The following RAP1GAP2 variants were observed in gnomAD, a reference collection of about 807,000 sequenced individuals.
RAP1GAP2 encodes the protein RAP1 GTPase activating protein 2.
A neutral mutation model predicts 95.0 loss-of-function variants in RAP1GAP2; 27 were observed. That is an observed-to-expected ratio of 0.28 (90% confidence interval 0.21 to 0.39). The LOEUF is 0.39. Among genes scored for constraint, RAP1GAP2 ranks in the 10% least tolerant of loss-of-function variants. RAP1GAP2 has a pLI of 1.00. For synonymous variants in RAP1GAP2, 373 were observed against 380.9 expected (o/e 0.98, Z 0.24); for missense variants, 771 against 970.0 (o/e 0.79, Z 2.72).
At chr17:2,956,956 G>A (rs767746131) in intron 3 of RAP1GAP2, among the ~76,000 whole-genome samples, 1 of 151,980 alleles carries the variant, frequency 6.6e-6, no homozygotes, top group Non-Finnish European at 1.5e-5. Flanking sequence ...GTGAAACCCC[G>A]TCTCTACTAA....
At position 2,906,870 on chromosome 17, in the gene RAP1GAP2, T is replaced by C. The variant is rs559076590; in HGVS notation, c.165+1502T>C. Reference sequence around the variant, plus strand: ...ATTTTGTATTAGTTAGGACTCTTGGTTGTAAGTGACAGAAACATAACTCAC... The same window carrying C: ...ATTTTGTATTAGTTAGGACTCTTGGCTGTAAGTGACAGAAACATAACTCAC... On this transcript the variant is annotated intron_variant, in intron 3 of 24. Transcript: ENST00000254695. The surrounding 1 kb of genome is among the most constrained non-coding windows in gnomAD (Gnocchi z 4.3). Among the ~76,000 whole-genome samples, 3 of 152,284 alleles carry C rather than the reference T, an allele frequency of 2.0e-5. No homozygotes were observed. Among genetic ancestry groups the C allele is most frequent in the Non-Finnish European group, 4.4e-5 (3 of 68,024 alleles).
intron 10 of RAP1GAP2, among the ~76,000 whole-genome samples, chr17:2,982,331 C>T (rs775665820): frequency 7.2e-5 from 11 of 152,142 alleles, no homozygotes; most frequent in South Asian, 2.1e-4. Flanking sequence ...TAGAGACGGG[C>T]GTTTCACCAT....
chr17:2,852,044 G>A (rs2071873569), intron 2 of RAP1GAP2, among the ~76,000 whole-genome samples: 1 of 152,202 alleles, frequency 6.6e-6, no homozygotes, highest in African/African-American at 2.4e-5. Context: ...AACTGAAGCG[G>A]TCCATCAGCT....
chr17:2,844,499 C>G (rs912639311), intron 2 of RAP1GAP2, among the ~76,000 whole-genome samples: 7 of 152,158 alleles, frequency 4.6e-5, no homozygotes, highest in African/African-American at 1.7e-4. Context: ...TGGAAAAGCC[C>G]CAGAAAGCAG....
At chr17:2,840,928 G>A (rs970285519) in intron 2 of RAP1GAP2, among the ~76,000 whole-genome samples, 6 of 152,140 alleles carry the variant, frequency 3.9e-5, no homozygotes, top group Non-Finnish European at 7.3e-5. Context: ...AGCCCGGGAG[G>A]TGGAGGCTGC....
intron 1 of RAP1GAP2, among the ~76,000 whole-genome samples, chr17:2,764,626 C>T (rs2068242912): frequency 6.6e-6 from 1 of 152,038 alleles, no homozygotes; most frequent in Non-Finnish European, 1.5e-5. Context: ...GAGGCTGAGG[C>T]AGGAGAATTG....
At position 2,867,459 on chromosome 17, in the gene RAP1GAP2, C is replaced by G. The variant is rs985721026; in HGVS notation, c.81-37825C>G. ...CCTTATCCACGAAGATGGACGATGGCTGCCCTGGGCTGACCTTCTACCCAC... is the reference window on the plus strand; with the variant it reads ...CCTTATCCACGAAGATGGACGATGGGTGCCCTGGGCTGACCTTCTACCCAC... On this transcript the variant is annotated intron_variant, in intron 2 of 24. Transcript: ENST00000254695. The surrounding 1 kb of genome is among the most constrained non-coding windows in gnomAD (Gnocchi z 4.5). Among the ~76,000 whole-genome samples, 3 of 152,096 alleles carry G rather than the reference C, an allele frequency of 2.0e-5. No individual in the cohort carries two copies. Among genetic ancestry groups the G allele is most frequent in the Non-Finnish European group, 4.4e-5 (3 of 68,026 alleles).
At chr17:2,896,660 GC>G (rs1254209825) in intron 2 of RAP1GAP2, among the ~76,000 whole-genome samples, 1 of 152,182 alleles carries the variant, frequency 6.6e-6, no homozygotes, top group Non-Finnish European at 1.5e-5. Context: ...GGCCCCAGGT[GC>G]CCCCAACCAC....
At chr17:2,998,910 C>T (rs777597737) in intron 14 of RAP1GAP2, among the ~76,000 whole-genome samples, 4 of 151,948 alleles carry the variant, frequency 2.6e-5, no homozygotes, top group East Asian at 3.9e-4. Flanking sequence ...GAAAGGGTAG[C>T]GATAGAAGGG....
Position 2,965,446 on chromosome 17 carries a change from T to C in RAP1GAP2, c.493-94T>C. Reference sequence around the variant, plus strand: ...GTAGCATCCTTCTCTTCCTTGTTGCTGTGGGGCTTCTCCTGGTGAAGGAGG... The same window carrying C: ...GTAGCATCCTTCTCTTCCTTGTTGCCGTGGGGCTTCTCCTGGTGAAGGAGG... On this transcript the variant is annotated intron_variant, in intron 7 of 24. Coordinates refer to ENST00000254695, the MANE Select transcript of RAP1GAP2 (RefSeq NM_015085.5). The surrounding 1 kb of genome is among the most constrained non-coding windows in gnomAD (Gnocchi z 4.7). 1 of 888,572 alleles carries C rather than the reference T, an allele frequency of 1.1e-6. No individual in the cohort carries two copies. Among genetic ancestry groups the C allele is most frequent in the Non-Finnish European group, 1.8e-6 (1 of 560,528 alleles). 55.0% of individuals were successfully genotyped at this position (888,572 alleles called of 1,614,324 possible). A position where few individuals can be genotyped will look rare whatever the true frequency, so the allele number is the denominator to read the frequency against.
intron 3 of RAP1GAP2, among the ~76,000 whole-genome samples, chr17:2,950,866 C>T (rs1282419706): frequency 6.6e-6 from 1 of 152,158 alleles, no homozygotes; most frequent in African/African-American, 2.4e-5. Context: ...CCACCTCAGC[C>T]TCCCTAAGTG....
intron 17 of RAP1GAP2, among the ~76,000 whole-genome samples, chr17:3,017,369 C>T (rs1306340894): frequency 6.6e-6 from 1 of 151,908 alleles, no homozygotes; most frequent in African/African-American, 2.4e-5. Flanking sequence ...GCATCTCTTT[C>T]AGCACCTCCA....
intron 2 of RAP1GAP2, among the ~76,000 whole-genome samples, chr17:2,864,599 G>A (rs2072548041): frequency 6.6e-6 from 1 of 152,204 alleles, no homozygotes. Flanking sequence ...GTACGGTGTG[G>A]GGAGCAGGAG....
intron 3 of RAP1GAP2, among the ~76,000 whole-genome samples, chr17:2,938,040 A>G (rs913107803): frequency 1.3e-5 from 2 of 152,136 alleles, no homozygotes; most frequent in African/African-American, 2.4e-5. Context: ...GCTGGGCAGG[A>G]GCAGGGAGCG....
intron 7 of RAP1GAP2, chr17:2,964,389 G>T (rs1158078645): frequency 6.3e-6 from 1 of 158,308 alleles, no homozygotes; most frequent in Non-Finnish European, 1.3e-5. Context: ...GCTGGCGGGG[G>T]TGGGGGTAGG....
chr17:3,031,128 G>A lies in RAP1GAP2; in HGVS notation c.2184+130G>A. On this transcript the variant is annotated intron_variant, in intron 23 of 24. Transcript: ENST00000254695. ...CGAAGGAGGCAGGGGAAGCTCTGGG[G>A]ACGTCTGGCTCCAGCAGGTGCAGGC... 1.4e-5 allele frequency: 15 copies of A among 1,037,586 alleles called. No homozygotes were observed. The South Asian group carries it at 2.0e-4, about 14-fold the overall frequency. 64.3% of individuals were successfully genotyped at this position (1,037,586 alleles called of 1,614,324 possible).
At chr17:2,970,083 G>C (rs2044790696) in intron 8 of RAP1GAP2, among the ~76,000 whole-genome samples, 1 of 151,784 alleles carries the variant, frequency 6.6e-6, no homozygotes, top group Non-Finnish European at 1.5e-5. Flanking sequence ...AGACCAGCCT[G>C]GCTAACATGG....
intron 11 of RAP1GAP2, among the ~76,000 whole-genome samples, chr17:2,987,144 C>G (rs1450591545): frequency 6.6e-6 from 1 of 152,148 alleles, no homozygotes. Context: ...TATCGATAAA[C>G]ACAGGCAGCA....
At chr17:2,864,606 G>A (rs2072548707) in intron 2 of RAP1GAP2, among the ~76,000 whole-genome samples, 1 of 152,356 alleles carries the variant, frequency 6.6e-6, no homozygotes, top group Non-Finnish European at 1.5e-5. Context: ...GTGGGGAGCA[G>A]GAGGCTGGGG....
Sources: allele counts gnomAD v4.1 joint callset (sites outside exome capture counted in the v4.1 genomes callset), GRCh38; gene constraint gnomAD v4.1.1; non-coding constraint Gnocchi (gnomAD v3.1); transcripts MANE v1.5; gene names NCBI Gene and HGNC (gene_info 2026-07-23, HGNC 2026-07-21).